The following NSUN6 variants were observed in gnomAD, a reference collection of about 807,000 sequenced individuals.
The protein encoded by NSUN6 is NOP2/Sun RNA methyltransferase 6.
In NSUN6, 64 loss-of-function variants were observed where a neutral mutation model predicts 58.0. The observed-to-expected ratio is 1.10, with a 90% CI of 0.90 to 1.36. NSUN6 has a LOEUF of 1.36. Among genes scored for constraint, NSUN6 ranks in the 40% most tolerant of loss-of-function variants. The pLI, the probability that NSUN6 is intolerant of heterozygous loss-of-function variation, is 0.00. For synonymous variants in NSUN6, 231 were observed against 193.9 expected, an observed-to-expected ratio of 1.19 and a Z score of -1.59; for missense variants, 701 against 550.1, an observed-to-expected ratio of 1.27 and a Z score of -2.74.
Position 18,596,158 on chromosome 10 carries a change from G to A in NSUN6, c.777+50C>T, listed in dbSNP as rs774528389. On this transcript the variant is annotated intron_variant, in intron 7 of 10. Transcript: ENST00000377304. ...CTCTATGTTTCAGAAATTACACATTGTGAAATATACACTACTTTGAGAGTG... is the reference window on the plus strand; with the variant it reads ...CTCTATGTTTCAGAAATTACACATTATGAAATATACACTACTTTGAGAGTG... 4 of 1,503,136 alleles carry A rather than the reference G, an allele frequency of 2.7e-6. No homozygotes were observed. In the Admixed American group the frequency reaches 7.0e-5, roughly 26 times the overall value. The allele number at this position is 1,503,136 out of a possible 1,614,324, so 93.1% of individuals were successfully genotyped here.
At chr10:18,639,372 T>C (rs1370200850) in intron 3 of NSUN6, among the ~76,000 whole-genome samples, 2 of 152,078 alleles carry the variant, frequency 1.3e-5, no homozygotes, top group East Asian at 3.9e-4. Flanking sequence ...CATGCGCCTG[T>C]AGCCCCAGCT....
intron 8 of NSUN6, among the ~76,000 whole-genome samples, chr10:18,575,813 C>G (rs186590993): frequency 5.8e-4 from 89 of 152,226 alleles, no homozygotes; most frequent in Non-Finnish European, 1.1e-3. Flanking sequence ...ACCTTTGAAA[C>G]AAAAGATCAA....
intron 5 of NSUN6, among the ~76,000 whole-genome samples, chr10:18,613,503 T>A (rs559186753): frequency 1.3e-5 from 2 of 152,234 alleles, no homozygotes; most frequent in East Asian, 3.9e-4. Context: ...CAACATCAAA[T>A]AACCTAAAAG....
upstream of NSUN6, chr10:18,651,709 A>G (rs2059712331): frequency 3.0e-6 from 3 of 985,728 alleles, no homozygotes; most frequent in Non-Finnish European, 1.2e-6. Context: ...AAGTTTCCCC[A>G]ACACTGCGTT....
Position 18,586,103 on chromosome 10 carries a change from A to C in NSUN6, c.778-10T>G, listed in dbSNP as rs916212082. 1 of 1,554,892 alleles carries C rather than the reference A, an allele frequency of 6.4e-7. No individual in the cohort carries two copies. Among genetic ancestry groups the C allele is most frequent in the Non-Finnish European group, 8.7e-7 (1 of 1,154,530 alleles). On this transcript the variant is annotated splice_polypyrimidine_tract_variant and intron_variant, in intron 7 of 10. Transcript: ENST00000377304. ...GTGCTATAACTTCTCCCTAAAAAGA[A>C]ACAAAACACACACATGCAGAAAAAA...
intron 2 of NSUN6, among the ~76,000 whole-genome samples, chr10:18,644,705 T>C (rs1333519218): frequency 4.0e-5 from 6 of 151,204 alleles, no homozygotes; most frequent in Non-Finnish European, 1.5e-5. Flanking sequence ...CCGGGTGTGG[T>C]GGCGGGCGCC....
chr10:18,639,007 C>G (rs1243272963), intron 3 of NSUN6, among the ~76,000 whole-genome samples: 1 of 147,486 alleles, frequency 6.8e-6, no homozygotes, highest in African/African-American at 2.5e-5. Context: ...GTAATCCTAG[C>G]TCTTTGGGAG....
At chr10:18,585,285 C>T (rs1311817657) in intron 8 of NSUN6, among the ~76,000 whole-genome samples, 2 of 152,036 alleles carry the variant, frequency 1.3e-5, no homozygotes, top group East Asian at 3.9e-4. Flanking sequence ...ATAGAACTAC[C>T]AAATTACCCA....
At chr10:18,561,715 T>C (rs577742771) in intron 8 of NSUN6, among the ~76,000 whole-genome samples, 5 of 144,062 alleles carry the variant, frequency 3.5e-5, no homozygotes, top group African/African-American at 1.3e-4. Flanking sequence ...TGGAATAGAA[T>C]GGAGAAAGGA....
chr10:18,615,417 T>C (rs957149804), intron 4 of NSUN6, among the ~76,000 whole-genome samples: 12 of 152,200 alleles, frequency 7.9e-5, no homozygotes, highest in Non-Finnish European at 1.6e-4. Flanking sequence ...GTAGATCAGA[T>C]GTCAACACAC....
intron 7 of NSUN6, among the ~76,000 whole-genome samples, chr10:18,586,415 T>C (rs896788200): frequency 3.3e-5 from 5 of 152,172 alleles, no homozygotes; most frequent in African/African-American, 1.2e-4. Context: ...GGTCGGTTCA[T>C]GGTCTCCCTG....
chr10:18,631,147 A>G (rs1331880235), intron 3 of NSUN6, among the ~76,000 whole-genome samples: 1 of 152,226 alleles, frequency 6.6e-6, no homozygotes, highest in African/African-American at 2.4e-5. Context: ...AACCAAAGAC[A>G]AAAACCACAT....
chr10:18,644,051 C>T (rs2059467183), intron 2 of NSUN6, among the ~76,000 whole-genome samples: 1 of 152,098 alleles, frequency 6.6e-6, no homozygotes, highest in African/African-American at 2.4e-5. Flanking sequence ...ATAAATTTCA[C>T]CCATTTTAAA....
intron 3 of NSUN6, among the ~76,000 whole-genome samples, chr10:18,639,210 A>G (rs1477346395): frequency 6.6e-6 from 1 of 152,206 alleles, no homozygotes; most frequent in Non-Finnish European, 1.5e-5. Flanking sequence ...AAGAGACTTA[A>G]TAGGCCGGGT....
At chr10:18,627,564 C>T (rs1469210302) in intron 3 of NSUN6, among the ~76,000 whole-genome samples, 1 of 152,092 alleles carries the variant, frequency 6.6e-6, no homozygotes, top group Non-Finnish European at 1.5e-5. Context: ...GCACCGTGCC[C>T]GAGCCAAAGC....
At chr10:18,616,941 C>G (rs553607080) in intron 3 of NSUN6, among the ~76,000 whole-genome samples, 6 of 152,232 alleles carry the variant, frequency 3.9e-5, no homozygotes, top group Non-Finnish European at 7.4e-5. Flanking sequence ...TAGGTGCATC[C>G]TGTCTTCAAT....
intron 3 of NSUN6, among the ~76,000 whole-genome samples, chr10:18,620,653 G>C (rs779948137): frequency 7.2e-5 from 11 of 152,136 alleles, no homozygotes; most frequent in African/African-American, 2.7e-4. Flanking sequence ...TCACCTTCAA[G>C]ACTCAAATGA....
At position 18,557,661 on chromosome 10, in the gene NSUN6, A is replaced by AAAGGAGGATG. The variant is rs2055144583; in HGVS notation, c.923-5691_923-5690insCATCCTCCTT. ...AATGGAAAAGAGCAGAATGGAATGGAGAATGGAATGGAAAGGAGGATGGAA... is the reference window on the plus strand; with the variant it reads ...AATGGAAAAGAGCAGAATGGAATGGAAAGGAGGATGGAATGGAATGGAAAGGAGGATGGAA... On this transcript the variant is annotated intron_variant, in intron 8 of 10. Transcript: ENST00000377304. Among the ~76,000 whole-genome samples, 3 of 150,828 alleles carry AAAGGAGGATG rather than the reference A, an allele frequency of 2.0e-5. No homozygotes were observed. The East Asian group carries it at 5.9e-4, about 29-fold the overall frequency.
intron 2 of NSUN6, among the ~76,000 whole-genome samples, chr10:18,644,781 A>C (rs2059492233): frequency 6.6e-6 from 1 of 151,224 alleles, no homozygotes; most frequent in South Asian, 2.1e-4. Flanking sequence ...TGGAGCTTGC[A>C]GTGAGCCAAG....
Sources: gnomAD v4.1 joint callset for allele counts (sites outside exome capture counted in the v4.1 genomes callset) on GRCh38, gnomAD v4.1.1 for gene constraint, MANE v1.5 for transcripts, NCBI Gene and HGNC (gene_info 2026-07-23, HGNC 2026-07-21) for gene names.